Variants in LRRC7 observed in about 807,000 individuals in gnomAD.
The protein encoded by LRRC7 is leucine rich repeat containing 7, also known as leucine-rich repeat-containing protein 7.
Under a neutral mutation model 175.7 loss-of-function variants are expected in LRRC7, and 23 were observed. The ratio of observed to expected loss-of-function variants is 0.13; its 90% CI spans 0.09 to 0.19. The LOEUF is 0.19. Ranked by LOEUF, LRRC7 falls within the 10% of genes least tolerant of loss-of-function variation. The pLI is 1.00. For synonymous variants in LRRC7, 685 were observed against 680.9 expected, an observed-to-expected ratio of 1.01 and a Z score of -0.09; for missense variants, 1,354 against 1,904.7, an observed-to-expected ratio of 0.71 and a Z score of 5.38.
chr1:69,821,043 T>G (rs1679232660), intron 4 of LRRC7, among the ~76,000 whole-genome samples: 3 of 152,210 alleles, frequency 2.0e-5, no homozygotes, highest in Admixed American at 1.3e-4. Flanking sequence ...GACTTTTTAG[T>G]GATCACCATT....
At chr1:69,656,374 C>T (rs1656608683) in intron 1 of LRRC7, among the ~76,000 whole-genome samples, 2 of 151,900 alleles carry the variant, frequency 1.3e-5, no homozygotes, top group Non-Finnish European at 2.9e-5. Context: ...AACAAAACTG[C>T]AACTGTATAA....
At position 70,135,570 on chromosome 1, in the gene LRRC7, C is replaced by T. The variant is rs949469184; in HGVS notation, c.*13683C>T. Among the ~76,000 whole-genome samples, 1 of 152,184 alleles carries T rather than the reference C, an allele frequency of 6.6e-6. No homozygotes were observed. Among genetic ancestry groups the T allele is most frequent in the Non-Finnish European group, 1.5e-5 (1 of 68,046 alleles). The stretch of plus-strand genomic sequence containing the variant: ...CTCACGCACTCCTCCCCAACCCCGA[C>T]TCCAAGGGTGCTGCTTGTCCAACTG... On this transcript the variant is annotated 3_prime_UTR_variant, in exon 27 of 27. Coordinates refer to ENST00000651989, the MANE Select transcript of LRRC7 (RefSeq NM_001370785.2).
At position 69,769,880 on chromosome 1, in the gene LRRC7, G is replaced by GT. The variant is rs202121291; in HGVS notation, c.303+9496dup. On this transcript the variant is annotated intron_variant, in intron 3 of 26. Transcript: ENST00000651989. ...TATGGATTTACAGTTGTGTCAGTTA[G>GT]TTTTTTTTTATTGTAGGCCAGAAAA... 4.6e-3 allele frequency among the ~76,000 whole-genome samples: 699 copies of GT among 151,570 alleles called. 2 individuals are homozygous for GT. Among genetic ancestry groups the GT allele is most frequent in the African/African-American group, 0.015 (606 of 41,354 alleles).
intron 4 of LRRC7, among the ~76,000 whole-genome samples, chr1:69,803,002 CTGAT>C (rs970028428): frequency 9.9e-5 from 15 of 151,320 alleles, no homozygotes; most frequent in African/African-American, 3.6e-4. Context: ...GAATAGATGA[CTGAT>C]TGTTTCAACA....
chr1:70,088,895 A>G (rs1227637220), intron 24 of LRRC7, among the ~76,000 whole-genome samples: 1 of 152,172 alleles, frequency 6.6e-6, no homozygotes, highest in Non-Finnish European at 1.5e-5. Flanking sequence ...TAATGCCATC[A>G]TTCCCCCATA....
At chr1:69,725,806 G>C (rs745624952) in intron 2 of LRRC7, among the ~76,000 whole-genome samples, 1 of 152,174 alleles carries the variant, frequency 6.6e-6, no homozygotes, top group African/African-American at 2.4e-5. Flanking sequence ...CCAGACCTGT[G>C]CTGCTCTGGG....
intron 10 of LRRC7, among the ~76,000 whole-genome samples, chr1:69,991,467 A>G (rs1272196368): frequency 6.6e-6 from 1 of 152,116 alleles, no homozygotes; most frequent in Non-Finnish European, 1.5e-5. Context: ...GGAAATTTGT[A>G]TTTATACATC....
At chr1:69,701,992 A>G (rs967793215) in intron 2 of LRRC7, among the ~76,000 whole-genome samples, 2 of 152,232 alleles carry the variant, frequency 1.3e-5, no homozygotes, top group Admixed American at 6.5e-5. Flanking sequence ...AATAATTTTT[A>G]AATTCTGTTT....
chr1:69,747,136 CA>C (rs1215211407), intron 2 of LRRC7, among the ~76,000 whole-genome samples: 1 of 152,084 alleles, frequency 6.6e-6, no homozygotes, highest in Non-Finnish European at 1.5e-5. Flanking sequence ...AACCCCTTTC[CA>C]AATAAGGTCA....
intron 24 of LRRC7, among the ~76,000 whole-genome samples, chr1:70,080,378 C>T (rs780611389): frequency 1.1e-4 from 16 of 152,096 alleles, no homozygotes; most frequent in Non-Finnish European, 1.0e-4. Context: ...GTTATGTAAG[C>T]GGAGTATTGA....
At chr1:69,836,620 G>A (rs890669171) in intron 6 of LRRC7, among the ~76,000 whole-genome samples, 32 of 151,956 alleles carry the variant, frequency 2.1e-4, no homozygotes, top group African/African-American at 7.2e-4. Context: ...ATCTGAAAAT[G>A]TCTTTAACCA....
rs866242514 is a variant in LRRC7, at chr1:70,130,825, G to A, written c.*8938G>A. 5.3e-5 allele frequency among the ~76,000 whole-genome samples: 8 copies of A among 152,152 alleles called. No individual in the cohort carries two copies. Among genetic ancestry groups the A allele is most frequent in the African/African-American group, 1.4e-4 (6 of 41,418 alleles). The stretch of plus-strand genomic sequence containing the variant: ...GATGTCATGAGAGAGACGAGGCTAC[G>A]GAAGTGTAGTTGAGAGAAAGGGGTC... On this transcript the variant is annotated 3_prime_UTR_variant, in exon 27 of 27. Transcript: ENST00000651989.
Position 70,121,782 on chromosome 1 carries a change from A to G in LRRC7, c.4623A>G (p.Ala1541=). ...LLQPGDKILQ[A]NGHSFVHMEH... The stretch of plus-strand genomic sequence containing the variant: ...CTGTTTTATTTGTGTATTTACAGGC[A>G]AATGGACACAGTTTTGTACATATGG... Residue 1541 remains alanine, a splice_region_variant and synonymous_variant, in exon 27 of 27, where the codon GCA becomes GCG. Coordinates refer to ENST00000651989, the MANE Select transcript of LRRC7 (RefSeq NM_001370785.2). 1 of 1,601,942 alleles carries G rather than the reference A, an allele frequency of 6.2e-7. No homozygotes were observed.
chr1:70,119,332 A>G (rs1351988432), intron 26 of LRRC7, among the ~76,000 whole-genome samples: 1 of 152,066 alleles, frequency 6.6e-6, no homozygotes, highest in African/African-American at 2.4e-5. Flanking sequence ...AATTCAATTC[A>G]GCATATATGT....
chr1:69,621,706 AG>A (rs1368786800), intron 1 of LRRC7, among the ~76,000 whole-genome samples: 1 of 152,178 alleles, frequency 6.6e-6, no homozygotes, highest in East Asian at 1.9e-4. Flanking sequence ...TAGCTGGTCT[AG>A]CAGCAACTGG....
chr1:69,584,890 GTGT>G (rs113706441), intron 1 of LRRC7, among the ~76,000 whole-genome samples: 22,929 of 152,046 alleles, frequency 0.15, 1,886 homozygotes, highest in Admixed American at 0.19. Flanking sequence ...CCCTTTGCCT[GTGT>G]TGTTCTCATT....
chr1:69,914,856 T>C (rs1646639779), intron 7 of LRRC7, among the ~76,000 whole-genome samples: 1 of 152,200 alleles, frequency 6.6e-6, no homozygotes, highest in African/African-American at 2.4e-5. Context: ...AGAGACCATA[T>C]GGACTGGAGA....
At chr1:69,659,566 A>C (rs987785330) in intron 1 of LRRC7, among the ~76,000 whole-genome samples, 1 of 151,936 alleles carries the variant, frequency 6.6e-6, no homozygotes, top group Non-Finnish European at 1.5e-5. Context: ...ATAATAACTG[A>C]TATCTCAACA....
intron 2 of LRRC7, among the ~76,000 whole-genome samples, chr1:69,703,704 A>G (rs980341157): frequency 1.3e-5 from 2 of 151,960 alleles, no homozygotes; most frequent in Non-Finnish European, 2.9e-5. Context: ...TTGTTTAAGT[A>G]TGTTTGCCGG....
Sources: allele counts gnomAD v4.1 joint callset (sites outside exome capture counted in the v4.1 genomes callset), GRCh38; gene constraint gnomAD v4.1.1; transcripts MANE v1.5; gene names NCBI Gene and HGNC (gene_info 2026-07-23, HGNC 2026-07-21).